SNX2: variants seen among roughly 807,000 people sequenced by gnomAD.
The protein encoded by SNX2 is sorting nexin-2.
Under a neutral mutation model 69.9 loss-of-function variants are expected in SNX2, and 25 were observed. That is an observed-to-expected ratio of 0.36 (90% confidence interval 0.26 to 0.50). The LOEUF (loss-of-function observed/expected upper bound fraction) is 0.50. SNX2 is among the 20% of genes least tolerant of loss of function. The probability of loss-of-function intolerance (pLI) is 0.97; values close to 1 mark genes in which losing one functional copy is unlikely to be tolerated. For missense variants in SNX2, 551 were observed against 613.3 expected, an observed-to-expected ratio of 0.90 and a Z score of 1.07; for synonymous variants, 229 against 200.4, an observed-to-expected ratio of 1.14 and a Z score of -1.20.
chr5:122,813,493 A>G (rs2150013068), intron 7 of SNX2, among the ~76,000 whole-genome samples: 1 of 152,214 alleles, frequency 6.6e-6, no homozygotes, highest in East Asian at 1.9e-4. Context: ...AAAAAGATCT[A>G]TAGTCAATTG....
intron 7 of SNX2, 77 bp downstream of exon 7, chr5:122,808,432 CTG>C (rs1753700279): frequency 4.6e-6 from 5 of 1,095,540 alleles, no homozygotes; most frequent in Middle Eastern, 2.1e-4. Flanking sequence ...TATGGCAAAA[CTG>C]TGTTTTAATG....
rs140058128 is a variant in SNX2, at chr5:122,796,880, C to T, written c.226+1497C>T. ...ATGCACAGCTGATCAAAGAGTTAGCCAAGTGAGGACTATACAATGATATTT... is the reference window on the plus strand; with the variant it reads ...ATGCACAGCTGATCAAAGAGTTAGCTAAGTGAGGACTATACAATGATATTT... On this transcript the variant is annotated intron_variant, in intron 2 of 14. Transcript: ENST00000379516. Among the ~76,000 whole-genome samples, 17 of 151,940 alleles carry T rather than the reference C, an allele frequency of 1.1e-4. 1 individual carries two copies. In the East Asian group the frequency reaches 2.9e-3, roughly 26 times the overall value.
At chr5:122,781,079 G>C (rs745435192) in intron 1 of SNX2, among the ~76,000 whole-genome samples, 1 of 152,132 alleles carries the variant, frequency 6.6e-6, no homozygotes, top group Non-Finnish European at 1.5e-5. Context: ...TAAATTTAAG[G>C]AGTTTTGAAT....
chr5:122,807,128 A>G (rs1753676834), intron 6 of SNX2, among the ~76,000 whole-genome samples: 1 of 152,062 alleles, frequency 6.6e-6, no homozygotes, highest in Non-Finnish European at 1.5e-5. Context: ...TCTACAAAAA[A>G]TTAGCTGGGT....
intron 7 of SNX2, among the ~76,000 whole-genome samples, chr5:122,812,443 G>A (rs960356579): frequency 2.6e-5 from 4 of 152,108 alleles, no homozygotes; most frequent in African/African-American, 9.7e-5. Flanking sequence ...CTAGGTATCT[G>A]CATAGCTAAC....
intron 2 of SNX2, 122 bp downstream of exon 2, chr5:122,795,505 C>T (rs372904542): frequency 1.5e-6 from 1 of 656,916 alleles, no homozygotes; most frequent in Non-Finnish European, 2.6e-6. Flanking sequence ...CTTGTAACAA[C>T]TTAGAAGGAT....
chr5:122,825,468 A>G (rs1334210738), intron 11 of SNX2, among the ~76,000 whole-genome samples: 2 of 152,024 alleles, frequency 1.3e-5, no homozygotes, highest in African/African-American at 2.4e-5. Flanking sequence ...TCTGCAGTGT[A>G]TATATAAAAA....
rs934832922 is a variant in SNX2 at position 122,775,129 on chromosome 5, C to T, written c.26C>T (p.Pro9Leu). MAAEREPPPLGDGKPTDFE... is the reference protein window; with the variant it reads MAAEREPPLLGDGKPTDFE... ...ATGGCGGCCGAGAGGGAACCTCCTC[C>T]GCTGGGGGACGGGAAGCCCACCGAC... Residue 9 changes from proline to leucine, a missense_variant, in exon 1 of 15, where the codon CCG becomes CTG. By Grantham distance (98) the Pro-to-Leu change is moderately conservative (BLOSUM62 -3). Transcript: ENST00000379516. 9 of 1,593,800 alleles carry T rather than the reference C, an allele frequency of 5.6e-6. No homozygotes were observed. Among genetic ancestry groups the T allele is most frequent in the Non-Finnish European group, 6.8e-6 (8 of 1,171,988 alleles).
In SNX2 at chr5:122,821,645, C is replaced by T. The variant is rs369412640; in HGVS notation, c.1212+2622C>T. Among the ~76,000 whole-genome samples the T allele has an allele frequency of 5.9e-5, 9 of 152,040 alleles. No individual in the cohort carries two copies. In the East Asian group the frequency reaches 7.8e-4, roughly 13 times the overall value. ...AATTTTTTTGTATTTTTAGTAGAGACGAGGTTTCACCGTGTTAGCCAGGAT... is the reference window on the plus strand; with the variant it reads ...AATTTTTTTGTATTTTTAGTAGAGATGAGGTTTCACCGTGTTAGCCAGGAT... On this transcript the variant is annotated intron_variant, in intron 11 of 14. Coordinates refer to ENST00000379516, the MANE Select transcript of SNX2 (RefSeq NM_003100.4).
intron 11 of SNX2, among the ~76,000 whole-genome samples, chr5:122,825,192 A>G (rs139430150): frequency 0.018 from 2,670 of 152,204 alleles, 30 homozygotes; most frequent in Admixed American, 0.031. Flanking sequence ...GGTTCACCCA[A>G]TTTATTAACA....
At chr5:122,808,166 T>C in intron 6 of SNX2, 111 bp from the exon 7 acceptor site, 1 of 636,134 alleles carries the variant, frequency 1.6e-6, no homozygotes, top group Non-Finnish European at 2.6e-6. Flanking sequence ...GTTACAAGTT[T>C]AGGGCTGTTA....
chr5:122,792,947 A>G (rs1056733222), intron 1 of SNX2, among the ~76,000 whole-genome samples: 2 of 152,240 alleles, frequency 1.3e-5, no homozygotes, highest in South Asian at 2.1e-4. Context: ...ATGCTAGAGT[A>G]GCGAAAGTGA....
chr5:122,798,777 A>G (rs1160819029), intron 2 of SNX2, among the ~76,000 whole-genome samples: 2 of 151,724 alleles, frequency 1.3e-5, no homozygotes, highest in South Asian at 2.1e-4. Context: ...TTCTCTACCC[A>G]TTTCAGTCTT....
At chr5:122,819,354 ATTAT>A (rs1208267537) in intron 11 of SNX2, among the ~76,000 whole-genome samples, 2 of 152,212 alleles carry the variant, frequency 1.3e-5, no homozygotes, top group East Asian at 3.8e-4. Flanking sequence ...ACCGGACTCT[ATTAT>A]CATTAGTAAA....
rs957416964 is a variant in SNX2, at chr5:122,775,123, C to G, written c.20C>G (p.Pro7Arg). 4.4e-6 allele frequency: 7 copies of G among 1,592,484 alleles called. No homozygotes were observed. The highest frequency in any genetic ancestry group is 6.0e-6 in the Non-Finnish European group (7 of 1,171,414). Reference sequence around the variant, plus strand: ...GCGAAGATGGCGGCCGAGAGGGAACCTCCTCCGCTGGGGGACGGGAAGCCC... The same window carrying G: ...GCGAAGATGGCGGCCGAGAGGGAACGTCCTCCGCTGGGGGACGGGAAGCCC... MAAERE[P>R]PPLGDGKPTD... Residue 7 changes from proline (P) to arginine (R), a missense_variant, in exon 1 of 15, where the codon CCT becomes CGT. By Grantham distance (103) the Pro-to-Arg change is moderately radical. Around this residue, in one of 2 missense-constraint regions of SNX2, gnomAD observed 191 missense variants for 162.9 expected, o/e 1.17. Coordinates refer to ENST00000379516, the MANE Select transcript of SNX2 (RefSeq NM_003100.4).
chr5:122,818,089 G>C (rs1753939354), intron 10 of SNX2, among the ~76,000 whole-genome samples: 3 of 152,070 alleles, frequency 2.0e-5, no homozygotes, highest in Admixed American at 6.6e-5. Context: ...AAAGTAGTTT[G>C]TAACAGCTTT....
intron 6 of SNX2, among the ~76,000 whole-genome samples, chr5:122,807,585 G>A (rs2150010925): frequency 6.6e-6 from 1 of 152,220 alleles, no homozygotes; most frequent in African/African-American, 2.4e-5. Flanking sequence ...TCAATACCTT[G>A]TTTCCACAGA....
chr5:122,815,602 A>G (rs1358916885), intron 7 of SNX2: 1 of 200,802 alleles, frequency 5.0e-6, no homozygotes, highest in East Asian at 1.2e-4. Flanking sequence ...TTGCAACATA[A>G]TACTTTGCAA....
At chr5:122,816,193 A>G (rs1753897879) in intron 8 of SNX2, among the ~76,000 whole-genome samples, 1 of 152,152 alleles carries the variant, frequency 6.6e-6, no homozygotes, top group Non-Finnish European at 1.5e-5. Context: ...TACTTAAAAC[A>G]AGATTTAAGA....
Sources: allele counts gnomAD v4.1 joint callset (sites outside exome capture counted in the v4.1 genomes callset), GRCh38; gene constraint gnomAD v4.1.1; regional missense constraint gnomAD v4.1.1; transcripts MANE v1.5; gene names NCBI Gene and HGNC (gene_info 2026-07-23, HGNC 2026-07-21).